ZFYVE28: variants seen among roughly 807,000 people sequenced by gnomAD.
ZFYVE28 encodes the protein lateral signaling target protein 2 homolog.
Under a neutral mutation model 82.1 loss-of-function variants are expected in ZFYVE28, and 40 were observed. That is an observed-to-expected ratio of 0.49 (90% CI 0.38 to 0.63). The LOEUF (loss-of-function observed/expected upper bound fraction) is 0.63, where lower values mean the gene tolerates loss of function less well. Ranked by LOEUF, ZFYVE28 falls within the 30% of genes least tolerant of loss-of-function variation. The pLI, the probability that ZFYVE28 is intolerant of heterozygous loss-of-function variation, is 0.00. For synonymous variants in ZFYVE28, 612 were observed against 546.1 expected (o/e 1.12, Z -1.68); for missense variants, 1,321 against 1,242.1 (o/e 1.06, Z -0.96).
At chr4:2,272,175 C>T (rs761531262) in intron 10 of ZFYVE28, among the ~76,000 whole-genome samples, 1 of 152,242 alleles carries the variant, frequency 6.6e-6, no homozygotes, top group African/African-American at 2.4e-5. Flanking sequence ...TGGTAGAATG[C>T]AGCCTGGCGG....
chr4:2,339,276 A>G lies in ZFYVE28; in HGVS notation c.521+177T>C, dbSNP rs1722363887. ...ACCCCACTCCCTGGAAAGATGCCCC[A>G]CCTCACCTCCACGCTATGCTCTCCA... On this transcript the variant is annotated intron_variant, in intron 4 of 12. Transcript: ENST00000290974. This position sits in a 1 kb window ranked among gnomAD's most constrained non-coding sequence, Gnocchi z 5.0. Among the ~76,000 whole-genome samples, 1 of 151,678 alleles carries G rather than the reference A, an allele frequency of 6.6e-6. No individual in the cohort carries two copies. The highest frequency in any genetic ancestry group is 1.5e-5 in the Non-Finnish European group (1 of 67,858).
intron 2 of ZFYVE28, among the ~76,000 whole-genome samples, chr4:2,348,470 TCAGA>T (rs891971857): frequency 6.6e-6 from 1 of 152,164 alleles, no homozygotes; most frequent in Non-Finnish European, 1.5e-5. Flanking sequence ...GACACCAAAA[TCAGA>T]CAAAGACTGT....
In ZFYVE28 at chr4:2,270,793, C is replaced by G. The variant is rs761240851; in HGVS notation, c.2596G>C (p.Val866Leu). 17 of 1,613,040 alleles carry G rather than the reference C, an allele frequency of 1.1e-5. No individual in the cohort carries two copies. The highest frequency in any genetic ancestry group is 2.7e-5 in the African/African-American group (2 of 74,932). The stretch of plus-strand genomic sequence containing the variant: ...ATGTAGCAGTGGGTGCACACTCGGA[C>G]CGGCTTCACCTGCCCGTAGCGGGGC... ...PLPRYGQVKP[V>L]RVCTHCYMFH... Residue 866 changes from valine (V) to leucine (L), a missense_variant, in exon 13 of 13, where the codon GTC becomes CTC. By Grantham distance (32) the Val-to-Leu change is conservative (BLOSUM62 1). This residue lies in a region of ZFYVE28 where 978 missense variants were observed against 833.7 expected (regional missense o/e 1.17). Coordinates refer to ENST00000290974, the MANE Select transcript of ZFYVE28 (RefSeq NM_020972.3).
At position 2,304,725 on chromosome 4, in the gene ZFYVE28, C is replaced by T; in HGVS notation, c.1615G>A (p.Glu539Lys). 6.2e-7 allele frequency: 1 copy of T among 1,612,710 alleles called. No individual in the cohort carries two copies. Among genetic ancestry groups the T allele is most frequent in the Non-Finnish European group, 8.5e-7 (1 of 1,179,948 alleles). ...CCATCCATCCCCTCGGCCACGGGCT[C>T]CGAGGCGGCCTCCTGGGTGGCGACC... is the stretch of plus-strand genomic sequence containing the variant. ...SAVATQEAAS[E>K]PVAEGMDGGP... The change falls in exon 8 of 13, where the codon GAG becomes AAG. Residue 539 changes from glutamate to lysine, a missense_variant. Glu to Lys is a moderately conservative substitution (Grantham distance 56). Around this residue, in one of 2 missense-constraint regions of ZFYVE28, gnomAD observed 978 missense variants for 833.7 expected, o/e 1.17. Coordinates refer to ENST00000290974, the MANE Select transcript of ZFYVE28 (RefSeq NM_020972.3).
At chr4:2,334,453 C>T (rs1431766823) in intron 6 of ZFYVE28, among the ~76,000 whole-genome samples, 1 of 151,970 alleles carries the variant, frequency 6.6e-6, no homozygotes, top group East Asian at 1.9e-4. Flanking sequence ...CTGCCACCGC[C>T]CCGCGTGCTC....
intron 1 of ZFYVE28, among the ~76,000 whole-genome samples, chr4:2,363,127 G>A (rs1578256687): frequency 6.6e-6 from 1 of 152,150 alleles, no homozygotes; most frequent in East Asian, 2.0e-4. Flanking sequence ...GGTGGGTGGG[G>A]GCTGGACACA....
Position 2,293,099 on chromosome 4 carries a change from TAA to T in ZFYVE28, c.2051+11188_2051+11189del, listed in dbSNP as rs10711535. Reference sequence around the variant, plus strand: ...AGAAAATCCAACATCTGTTCTTGATTAAAAAAAAAAAAAACCTCTTAGCAAAT... The same window carrying T: ...AGAAAATCCAACATCTGTTCTTGATTAAAAAAAAAAAACCTCTTAGCAAAT... On this transcript the variant is annotated intron_variant, in intron 8 of 12. Transcript: ENST00000290974. 3.6e-3 allele frequency among the ~76,000 whole-genome samples: 533 copies of T among 146,448 alleles called. 7 individuals are homozygous for T. Among genetic ancestry groups the T allele is most frequent in the Admixed American group, 0.018 (262 of 14,738 alleles).
intron 7 of ZFYVE28, among the ~76,000 whole-genome samples, chr4:2,317,432 G>A (rs1005509494): frequency 6.6e-6 from 1 of 152,110 alleles, no homozygotes. Context: ...CATTCCCTTC[G>A]GACACGGAGT....
chr4:2,415,869 A>G (rs1732984571), intron 1 of ZFYVE28, among the ~76,000 whole-genome samples: 1 of 152,258 alleles, frequency 6.6e-6, no homozygotes, highest in African/African-American at 2.4e-5. Context: ...TTTCTCAAAT[A>G]AGAGACAGCC....
chr4:2,293,475 C>T (rs927866868), intron 8 of ZFYVE28, among the ~76,000 whole-genome samples: 2 of 152,008 alleles, frequency 1.3e-5, no homozygotes, highest in African/African-American at 4.8e-5. Flanking sequence ...GAAGATCAGC[C>T]GGGTATGGTG....
intron 8 of ZFYVE28, among the ~76,000 whole-genome samples, chr4:2,283,297 A>G (rs1392276351): frequency 6.7e-6 from 1 of 149,878 alleles, no homozygotes; most frequent in African/African-American, 2.5e-5. Flanking sequence ...CCCATCATCC[A>G]ATCTTCCACT....
intron 1 of ZFYVE28, among the ~76,000 whole-genome samples, chr4:2,405,370 T>C (rs1250985942): frequency 6.6e-6 from 1 of 152,222 alleles, no homozygotes; most frequent in East Asian, 1.9e-4. Context: ...AGCACACCAA[T>C]TGGACCAAAT....
At chr4:2,315,230 T>C (rs557743741) in intron 7 of ZFYVE28, among the ~76,000 whole-genome samples, 60 of 152,240 alleles carry the variant, frequency 3.9e-4, no homozygotes, top group Non-Finnish European at 7.1e-4. Context: ...TTTTGAAGGA[T>C]ATTATTGCTG....
chr4:2,399,168 G>T (rs3128786), intron 1 of ZFYVE28, among the ~76,000 whole-genome samples: 2 of 84,668 alleles, frequency 2.4e-5, no homozygotes, highest in South Asian at 3.5e-4. Context: ...GGGTGAGATC[G>T]AGGGCACAAG....
chr4:2,354,241 C>A (rs1724910825), intron 1 of ZFYVE28, among the ~76,000 whole-genome samples, 168 bp from the exon 2 acceptor site: 1 of 152,132 alleles, frequency 6.6e-6, no homozygotes, highest in South Asian at 2.1e-4. Context: ...AGGGAAACAA[C>A]TAAAGCTGAG....
rs192637393 is a variant in ZFYVE28, at chr4:2,367,364, G to A, written c.40-13291C>T. Among the ~76,000 whole-genome samples the A allele has an allele frequency of 1.8e-3, 270 of 152,320 alleles. 1 individual carries two copies. The highest frequency in any genetic ancestry group is 1.4e-3 in the Admixed American group (22 of 15,314). On this transcript the variant is annotated intron_variant, in intron 1 of 12. Transcript: ENST00000290974. Reference sequence around the variant, plus strand: ...GCAGGGTGCCCCCGGGGTGTCCCCCGCTCAAGCCCCCCGTTGCAGGGGCTG... The same window carrying A: ...GCAGGGTGCCCCCGGGGTGTCCCCCACTCAAGCCCCCCGTTGCAGGGGCTG...
chr4:2,315,423 G>A (rs1361680936), intron 7 of ZFYVE28, among the ~76,000 whole-genome samples: 1 of 151,976 alleles, frequency 6.6e-6, no homozygotes, highest in Non-Finnish European at 1.5e-5. Flanking sequence ...ACAGGCGCCC[G>A]CCACCACGCC....
intron 3 of ZFYVE28, among the ~76,000 whole-genome samples, chr4:2,340,145 C>G (rs904248446): frequency 6.6e-6 from 1 of 152,198 alleles, no homozygotes; most frequent in Non-Finnish European, 1.5e-5. Flanking sequence ...AGGTCCCCAG[C>G]CTATCTAGGG....
chr4:2,304,865 T>C lies in ZFYVE28; in HGVS notation c.1475A>G (p.Glu492Gly), dbSNP rs1258392215. Reference sequence around the variant, plus strand: ...CGTCTCTGCGTCATCCGCACCCACCTCCCAGCCGTCCAGGTGCAGCCGCGA... The same window carrying C: ...CGTCTCTGCGTCATCCGCACCCACCCCCCAGCCGTCCAGGTGCAGCCGCGA... ...LDSRLHLDGW[E>G]VGADDAETAE... Residue 492 changes from glutamate to glycine, a missense_variant, in exon 8 of 13, where the codon GAG (glutamate) becomes GGG (glycine). This residue lies in a region of ZFYVE28 where 978 missense variants were observed against 833.7 expected (regional missense o/e 1.17). Transcript: ENST00000290974. 1.2e-6 allele frequency: 2 copies of C among 1,612,516 alleles called. No individual in the cohort carries two copies. Among genetic ancestry groups the C allele is most frequent in the Admixed American group, 3.3e-5 (2 of 60,006 alleles).
Sources: gnomAD v4.1 joint callset for allele counts (sites outside exome capture counted in the v4.1 genomes callset) on GRCh38, gnomAD v4.1.1 for gene constraint, gnomAD v4.1.1 regional missense constraint, Gnocchi (gnomAD v3.1) non-coding constraint, MANE v1.5 for transcripts, NCBI Gene and HGNC (gene_info 2026-07-23, HGNC 2026-07-21) for gene names.